The following CTNNA2 variants were observed in gnomAD, a reference collection of about 807,000 sequenced individuals.
CTNNA2 encodes catenin alpha-2.
CTNNA2 carries 42 observed loss-of-function variants against 101.0 expected under a neutral mutation model. The ratio of observed to expected loss-of-function variants is 0.42; its 90% CI spans 0.32 to 0.54. The LOEUF (loss-of-function observed/expected upper bound fraction) is 0.54, where lower values mean the gene tolerates loss of function less well. CTNNA2 is among the 20% of genes least tolerant of loss of function. The pLI is 0.14. For missense variants in CTNNA2, 871 were observed against 1,223.1 expected, an observed-to-expected ratio of 0.71 and a Z score of 4.29; for synonymous variants, 450 against 456.4, an observed-to-expected ratio of 0.99 and a Z score of 0.18.
chr2:80,441,405 T>C (rs935413563), intron 9 of CTNNA2, among the ~76,000 whole-genome samples: 1 of 152,184 alleles, frequency 6.6e-6, no homozygotes, highest in Non-Finnish European at 1.5e-5. Context: ...GTTGAAGAGA[T>C]GCAGTTTAAG....
At chr2:79,690,020 A>C (rs1684186290) in intron 2 of CTNNA2, among the ~76,000 whole-genome samples, 1 of 152,036 alleles carries the variant, frequency 6.6e-6, no homozygotes, top group African/African-American at 2.4e-5. Context: ...AGAAAAGAGA[A>C]ATAAAGGGAC....
At chr2:80,520,706 C>T (rs1485252593) in intron 9 of CTNNA2, among the ~76,000 whole-genome samples, 1 of 152,186 alleles carries the variant, frequency 6.6e-6, no homozygotes, top group Admixed American at 6.5e-5. Context: ...GGCTCCACCT[C>T]TAAATATCAT....
At chr2:80,305,366 G>T (rs1676829332) in intron 7 of CTNNA2, 6 of 985,164 alleles carry the variant, frequency 6.1e-6, no homozygotes, top group African/African-American at 1.7e-5. Flanking sequence ...TCCCTCCGGG[G>T]CTTCATCAGG....
intron 9 of CTNNA2, among the ~76,000 whole-genome samples, chr2:80,522,852 C>G (rs1348048662): frequency 1.3e-5 from 2 of 152,142 alleles, no homozygotes; most frequent in African/African-American, 4.8e-5. Flanking sequence ...TACCCAGTCT[C>G]AGGTATGTCT....
chr2:79,699,580 A>G (rs1253272114), intron 2 of CTNNA2, among the ~76,000 whole-genome samples: 2 of 151,854 alleles, frequency 1.3e-5, no homozygotes, highest in African/African-American at 4.8e-5. Flanking sequence ...TATGGATCCA[A>G]CTTTGCAAAG....
intron 3 of CTNNA2, among the ~76,000 whole-genome samples, chr2:79,330,398 A>G (rs1292411674): frequency 6.6e-6 from 1 of 152,174 alleles, no homozygotes; most frequent in Admixed American, 6.5e-5. Flanking sequence ...GAAGGACAGT[A>G]TAACTGTCAG....
intron 9 of CTNNA2, among the ~76,000 whole-genome samples, chr2:80,520,422 T>C (rs2149572166): frequency 6.6e-6 from 1 of 152,246 alleles, no homozygotes; most frequent in Non-Finnish European, 1.5e-5. Flanking sequence ...CTGAGGGCCC[T>C]TGTCGGTTCA....
chr2:80,275,914 A>G (rs1673866816), intron 7 of CTNNA2, among the ~76,000 whole-genome samples: 1 of 152,130 alleles, frequency 6.6e-6, no homozygotes, highest in African/African-American at 2.4e-5. Flanking sequence ...ACTTTAAGTT[A>G]TATGTCATAA....
intron 7 of CTNNA2, among the ~76,000 whole-genome samples, chr2:80,312,730 C>T (rs1393628682): frequency 6.6e-6 from 1 of 152,166 alleles, no homozygotes; most frequent in Non-Finnish European, 1.5e-5. Flanking sequence ...ACTTAATTAT[C>T]TTGTTTTATA....
chr2:80,385,493 C>T (rs1676913702), intron 7 of CTNNA2, among the ~76,000 whole-genome samples: 1 of 152,178 alleles, frequency 6.6e-6, no homozygotes, highest in African/African-American at 2.4e-5. Context: ...AAATAAATTT[C>T]CTGTTGTCAT....
chr2:79,919,927 C>G (rs1469226362), intron 7 of CTNNA2, among the ~76,000 whole-genome samples: 3 of 152,138 alleles, frequency 2.0e-5, no homozygotes, highest in African/African-American at 7.2e-5. Context: ...TCAATCACAC[C>G]AAGTACTTTA....
intron 2 of CTNNA2, among the ~76,000 whole-genome samples, chr2:79,224,740 A>G (rs547367412): frequency 2.6e-5 from 4 of 151,886 alleles, no homozygotes; most frequent in Admixed American, 2.0e-4. Flanking sequence ...TGCTTTTTCA[A>G]TAGCTCTCCA....
chr2:80,439,575 T>G (rs1682368653), intron 9 of CTNNA2, among the ~76,000 whole-genome samples: 1 of 152,008 alleles, frequency 6.6e-6, no homozygotes, highest in Non-Finnish European at 1.5e-5. Flanking sequence ...ATTTTTGTAT[T>G]TTTTTAGTAG....
At chr2:79,482,238 C>T (rs563741089) in intron 4 of CTNNA2, among the ~76,000 whole-genome samples, 1 of 152,234 alleles carries the variant, frequency 6.6e-6, no homozygotes, top group South Asian at 2.1e-4. Context: ...CAACCTGTAG[C>T]TAACATCAAG....
At position 79,894,029 on chromosome 2, in the gene CTNNA2, CTT is replaced by C. The variant is rs1558619446; in HGVS notation, c.853-15564_853-15563del. Among the ~76,000 whole-genome samples the C allele has an allele frequency of 5.3e-4, 77 of 145,242 alleles. 1 individual carries two copies. The South Asian group carries it at 0.012, about 22-fold the overall frequency. On this transcript the variant is annotated intron_variant, in intron 6 of 18. Transcript: ENST00000402739. ...TCTTCTTCTTCTTCTTCTTCTTCTT[CTT>C]CTTCTTCTTCTTCTTCTTCTTCTTC...
At position 80,545,971 on chromosome 2, in the gene CTNNA2, A is replaced by G; in HGVS notation, c.1448A>G (p.Asp483Gly). 6.2e-7 allele frequency: 1 copy of G among 1,614,124 alleles called. No individual in the cohort carries two copies. The highest frequency in any genetic ancestry group is 8.5e-7 in the Non-Finnish European group (1 of 1,180,014). The stretch of plus-strand genomic sequence containing the variant: ...AGCAAAGTTGCTCAGGATAACATGG[A>G]CGTCTTCAAAGACCAGTGGGAGAAG... ...PQSKVAQDNM[D>G]VFKDQWEKQV... The change falls in exon 11 of 19, where the codon GAC becomes GGC. Residue 483 changes from aspartate (D) to glycine (G), a missense_variant. Physicochemically the swap from Asp to Gly is moderately conservative, Grantham distance 94 (BLOSUM62 -1). Transcript: ENST00000402739.
At chr2:79,847,732 C>T (rs1396483924) in intron 3 of CTNNA2, among the ~76,000 whole-genome samples, 1 of 152,048 alleles carries the variant, frequency 6.6e-6, no homozygotes, top group Non-Finnish European at 1.5e-5. Flanking sequence ...CTGTACTCTG[C>T]ATTTCCTTGT....
At chr2:79,931,173 T>C (rs187436597) in intron 7 of CTNNA2, among the ~76,000 whole-genome samples, 2 of 152,328 alleles carry the variant, frequency 1.3e-5, no homozygotes, top group East Asian at 3.9e-4. Context: ...CTGTTCACTG[T>C]GTATGTGTTA....
At chr2:79,450,176 T>TA (rs1402869985) in intron 4 of CTNNA2, among the ~76,000 whole-genome samples, 1 of 151,910 alleles carries the variant, frequency 6.6e-6, no homozygotes, top group African/African-American at 2.4e-5. Context: ...CTTTTTTTTT[T>TA]ACTATCATGA....
Sources: allele counts gnomAD v4.1 joint callset (sites outside exome capture counted in the v4.1 genomes callset), GRCh38; gene constraint gnomAD v4.1.1; transcripts MANE v1.5; gene names NCBI Gene and HGNC (gene_info 2026-07-23, HGNC 2026-07-21).